Variants in FGGY observed in about 807,000 individuals in gnomAD.
FGGY encodes the protein FGGY carbohydrate kinase domain-containing protein.
Under a neutral mutation model 71.3 loss-of-function variants are expected in FGGY, and 72 were observed. That is an observed-to-expected ratio of 1.01 (90% confidence interval 0.84 to 1.23). The LOEUF (loss-of-function observed/expected upper bound fraction) is 1.23, where lower values mean the gene tolerates loss of function less well. FGGY is among the 50% of genes most tolerant of loss of function. The pLI, the probability that FGGY is intolerant of heterozygous loss-of-function variation, is 0.00. For synonymous variants in FGGY, 251 were observed against 250.3 expected, an observed-to-expected ratio of 1.00 and a Z score of -0.02; for missense variants, 668 against 682.3, an observed-to-expected ratio of 0.98 and a Z score of 0.23.
chr1:59,535,116 A>C (rs1195781543), intron 7 of FGGY, among the ~76,000 whole-genome samples: 1 of 152,228 alleles, frequency 6.6e-6, no homozygotes, highest in Non-Finnish European at 1.5e-5. Flanking sequence ...ACATAGACTC[A>C]AAATAAAAGG....
At chr1:59,622,917 G>T (rs994356900) in intron 9 of FGGY, among the ~76,000 whole-genome samples, 4 of 152,062 alleles carry the variant, frequency 2.6e-5, no homozygotes, top group African/African-American at 9.7e-5. Flanking sequence ...AGAACTATTT[G>T]CTGTATTTTG....
chr1:59,697,256 A>G (rs896316025), intron 14 of FGGY, among the ~76,000 whole-genome samples: 1 of 152,204 alleles, frequency 6.6e-6, no homozygotes, highest in Non-Finnish European at 1.5e-5. Flanking sequence ...TATTAAGTTC[A>G]TTCACATTAT....
chr1:59,409,598 T>A (rs200368217), intron 5 of FGGY, among the ~76,000 whole-genome samples: 5,662 of 104,818 alleles, frequency 0.054, 146 homozygotes, highest in Admixed American at 0.095. Flanking sequence ...GAAGAGTTTT[T>A]TATATATATA....
chr1:59,573,734 C>T (rs2096029331), intron 8 of FGGY, among the ~76,000 whole-genome samples: 1 of 151,990 alleles, frequency 6.6e-6, no homozygotes, highest in African/African-American at 2.4e-5. Context: ...ATATAAAATC[C>T]CACTTGAGAA....
At chr1:59,395,681 A>T (rs2061244825) in intron 5 of FGGY, among the ~76,000 whole-genome samples, 1 of 152,166 alleles carries the variant, frequency 6.6e-6, no homozygotes, top group Admixed American at 6.5e-5. Flanking sequence ...AGATACATTA[A>T]CCCCTTCAGT....
At chr1:59,662,300 A>C (rs1214743394) in intron 12 of FGGY, among the ~76,000 whole-genome samples, 1 of 148,118 alleles carries the variant, frequency 6.8e-6, no homozygotes, top group Non-Finnish European at 1.5e-5. Flanking sequence ...AGCCTGGGTC[A>C]CAGAGCGAGA....
At chr1:59,496,141 T>A (rs2094023256) in intron 6 of FGGY, among the ~76,000 whole-genome samples, 1 of 152,208 alleles carries the variant, frequency 6.6e-6, no homozygotes, top group South Asian at 2.1e-4. Context: ...CATTTATTTG[T>A]GTCATCTCTG....
At chr1:59,758,455 G>A (rs79581484) in intron 15 of FGGY, among the ~76,000 whole-genome samples, 2,614 of 152,284 alleles carry the variant, frequency 0.017, 81 homozygotes, top group East Asian at 0.068. Flanking sequence ...CTCCAGGCAG[G>A]TGTTACAGGG....
intron 8 of FGGY, among the ~76,000 whole-genome samples, chr1:59,589,423 T>C (rs978806199): frequency 1.3e-5 from 2 of 152,188 alleles, no homozygotes; most frequent in Non-Finnish European, 2.9e-5. Flanking sequence ...AACTCAACTC[T>C]GCACCAAGCG....
At chr1:59,463,026 C>G (rs2092362307) in intron 6 of FGGY, among the ~76,000 whole-genome samples, 1 of 152,178 alleles carries the variant, frequency 6.6e-6, no homozygotes, top group South Asian at 2.1e-4. Flanking sequence ...TATTGCGGCT[C>G]TGTTCACAAT....
intron 4 of FGGY, among the ~76,000 whole-genome samples, chr1:59,374,183 C>T (rs1398083001): frequency 6.6e-6 from 1 of 152,154 alleles, no homozygotes; most frequent in Non-Finnish European, 1.5e-5. Context: ...CCAGAATCTA[C>T]AATGAACTCA....
At chr1:59,554,085 G>A in intron 7 of FGGY, 39 bp from the exon 8 acceptor site, 1 of 1,437,158 alleles carries the variant, frequency 7.0e-7, no homozygotes, top group Non-Finnish European at 9.6e-7. Flanking sequence ...CTTTTTTTAT[G>A]TGTTAAAGAG....
In FGGY at chr1:59,433,495, A is replaced by G. The variant is rs182086532; in HGVS notation, c.555-23466A>G. On this transcript the variant is annotated intron_variant, in intron 5 of 15. Transcript: ENST00000303721. The stretch of plus-strand genomic sequence containing the variant: ...GTGGCTGCAATGATCTCAGTGTGCC[A>G]GGCCTTCACGGGGAATACCAGAGAG... Among the ~76,000 whole-genome samples the G allele has an allele frequency of 5.9e-5, 9 of 152,272 alleles. No homozygotes were observed. The East Asian group carries it at 1.5e-3, about 26-fold the overall frequency.
intron 6 of FGGY, among the ~76,000 whole-genome samples, chr1:59,473,909 C>G (rs17119483): frequency 0.012 from 1,854 of 152,276 alleles, 54 homozygotes; most frequent in African/African-American, 0.042. Context: ...AGTCACATAC[C>G]TTGCCCCTTA....
chr1:59,410,088 C>G (rs1461985936), intron 5 of FGGY, among the ~76,000 whole-genome samples: 1 of 152,178 alleles, frequency 6.6e-6, no homozygotes, highest in African/African-American at 2.4e-5. Flanking sequence ...TATGAGGCCA[C>G]TTGAAATAGA....
chr1:59,760,034 T>G (rs1178261881), intron 15 of FGGY, among the ~76,000 whole-genome samples: 2 of 152,156 alleles, frequency 1.3e-5, no homozygotes, highest in South Asian at 2.1e-4. Flanking sequence ...AAACATTTGC[T>G]TATCATACAT....
intron 8 of FGGY, among the ~76,000 whole-genome samples, chr1:59,577,640 A>G (rs2096105641): frequency 1.3e-5 from 2 of 151,860 alleles, no homozygotes; most frequent in Non-Finnish European, 2.9e-5. Flanking sequence ...GTTGGTTATC[A>G]AAAAAAGAGC....
At chr1:59,459,968 G>C (rs1043745717) in intron 6 of FGGY, among the ~76,000 whole-genome samples, 1 of 152,198 alleles carries the variant, frequency 6.6e-6, no homozygotes, top group Non-Finnish European at 1.5e-5. Flanking sequence ...TGGGACCAGG[G>C]AAGCCAGGCA....
intron 11 of FGGY, among the ~76,000 whole-genome samples, chr1:59,655,069 C>T (rs2097205844): frequency 1.3e-5 from 2 of 151,932 alleles, no homozygotes; most frequent in Admixed American, 1.3e-4. Context: ...AACTTCTGCC[C>T]TGGCTTCCCT....
Sources: allele counts gnomAD v4.1 joint callset (sites outside exome capture counted in the v4.1 genomes callset), GRCh38; gene constraint gnomAD v4.1.1; transcripts MANE v1.5; gene names NCBI Gene and HGNC (gene_info 2026-07-23, HGNC 2026-07-21).